Variants in UNC5C observed in about 807,000 individuals in gnomAD.
UNC5C encodes netrin receptor UNC5C.
Under a neutral mutation model 99.8 loss-of-function variants are expected in UNC5C, and 47 were observed. The ratio of observed to expected loss-of-function variants is 0.47; its 90% confidence interval spans 0.37 to 0.60. The LOEUF is 0.60. UNC5C is among the 20% of genes least tolerant of loss of function. The pLI is 0.00. For missense variants in UNC5C, 1,062 were observed against 1,165.9 expected, an observed-to-expected ratio of 0.91 and a Z score of 1.30; for synonymous variants, 487 against 452.2, an observed-to-expected ratio of 1.08 and a Z score of -0.98.
chr4:95,406,299 A>G (rs1315971725), intron 1 of UNC5C, among the ~76,000 whole-genome samples: 1 of 152,154 alleles, frequency 6.6e-6, no homozygotes, highest in Non-Finnish European at 1.5e-5. Flanking sequence ...GCAGTGCTTC[A>G]TCTGCACTAA....
At chr4:95,271,516 A>T (rs1188255130) in intron 4 of UNC5C, among the ~76,000 whole-genome samples, 2 of 152,188 alleles carry the variant, frequency 1.3e-5, no homozygotes, top group Admixed American at 6.5e-5. Flanking sequence ...GGCGTGAGCC[A>T]CCGCGCCCGG....
chr4:95,482,758 G>A (rs867009530), intron 1 of UNC5C, among the ~76,000 whole-genome samples: 2,743 of 113,768 alleles, frequency 0.024, 24 homozygotes, highest in Middle Eastern at 0.041. Flanking sequence ...CTATCGCAAG[G>A]ACAAAAAACC....
intron 5 of UNC5C, among the ~76,000 whole-genome samples, chr4:95,249,960 G>A (rs896478130): frequency 6.6e-6 from 1 of 152,094 alleles, no homozygotes; most frequent in Non-Finnish European, 1.5e-5. Flanking sequence ...AGACTGAGGT[G>A]TTAGGTCCAC....
chr4:95,477,098 G>T (rs1052639222), intron 1 of UNC5C, among the ~76,000 whole-genome samples: 1 of 152,038 alleles, frequency 6.6e-6, no homozygotes, highest in Non-Finnish European at 1.5e-5. Flanking sequence ...AAATAAAAAT[G>T]TCTAAAGATA....
chr4:95,346,510 G>A (rs1343097643), intron 1 of UNC5C, among the ~76,000 whole-genome samples: 2 of 151,916 alleles, frequency 1.3e-5, no homozygotes, highest in Non-Finnish European at 2.9e-5. Context: ...CCCTGATATT[G>A]AACATTGGCA....
chr4:95,303,509 C>G (rs1373518977), intron 2 of UNC5C, among the ~76,000 whole-genome samples: 7 of 152,134 alleles, frequency 4.6e-5, no homozygotes, highest in Admixed American at 1.3e-4. Context: ...AACCCTATCT[C>G]TACTAAAAAT....
intron 2 of UNC5C, among the ~76,000 whole-genome samples, chr4:95,323,283 C>T (rs79384629): frequency 0.038 from 5,776 of 152,210 alleles, 156 homozygotes; most frequent in Non-Finnish European, 0.056. Flanking sequence ...AACACAGACA[C>T]GACCCCGGAT....
At chr4:95,396,915 A>G (rs1374846921) in intron 1 of UNC5C, among the ~76,000 whole-genome samples, 2 of 152,036 alleles carry the variant, frequency 1.3e-5, no homozygotes, top group Non-Finnish European at 1.5e-5. Flanking sequence ...CCAAGTTTAC[A>G]GGTAGGGGAA....
intron 1 of UNC5C, among the ~76,000 whole-genome samples, chr4:95,491,819 G>T (rs746620011): frequency 6.6e-6 from 1 of 151,410 alleles, no homozygotes; most frequent in Non-Finnish European, 1.5e-5. Flanking sequence ...TTACTGATTT[G>T]TTCTATTCTC....
At chr4:95,536,141 G>C (rs1294167647) in intron 1 of UNC5C, among the ~76,000 whole-genome samples, 4 of 149,314 alleles carry the variant, frequency 2.7e-5, no homozygotes, top group Non-Finnish European at 5.9e-5. Context: ...GCAATAGCAC[G>C]ATCTCTGCTT....
At chr4:95,537,756 C>T (rs556818674) in intron 1 of UNC5C, among the ~76,000 whole-genome samples, 3 of 152,210 alleles carry the variant, frequency 2.0e-5, no homozygotes, top group Admixed American at 6.5e-5. Flanking sequence ...ATAGTGATCA[C>T]CTTAAAAATA....
intron 1 of UNC5C, among the ~76,000 whole-genome samples, chr4:95,353,474 C>T (rs1744060596): frequency 6.6e-6 from 1 of 151,728 alleles, no homozygotes; most frequent in Non-Finnish European, 1.5e-5. Flanking sequence ...ACCTCAAGTA[C>T]CTATAACCCA....
rs149576932 is a variant in UNC5C at position 95,442,319 on chromosome 4, T to C, written c.124+106415A>G. On this transcript the variant is annotated intron_variant, in intron 1 of 15. Coordinates refer to ENST00000453304, the MANE Select transcript of UNC5C (RefSeq NM_003728.4). Reference sequence around the variant, plus strand: ...CTGGGCTCAAGTGATCCTCTCACATTAGCCCCCTGTGTAGCTGGGACTACA... The same window carrying C: ...CTGGGCTCAAGTGATCCTCTCACATCAGCCCCCTGTGTAGCTGGGACTACA... Among the ~76,000 whole-genome samples, 20 of 151,376 alleles carry C rather than the reference T, an allele frequency of 1.3e-4. No individual in the cohort carries two copies. In the East Asian group the frequency reaches 3.5e-3, roughly 27 times the overall value.
intron 13 of UNC5C, 123 bp downstream of exon 13, chr4:95,184,924 T>G: frequency 2.6e-6 from 3 of 1,140,928 alleles, no homozygotes; most frequent in Non-Finnish European, 3.5e-6. Flanking sequence ...CCCCAAACTA[T>G]TTTGGAGAAA....
chr4:95,176,677 G>A (rs1736364325), intron 14 of UNC5C, among the ~76,000 whole-genome samples: 1 of 152,250 alleles, frequency 6.6e-6, no homozygotes, highest in Middle Eastern at 3.2e-3. Flanking sequence ...AGTCTGCAGA[G>A]GTTACTGCTG....
intron 12 of UNC5C, among the ~76,000 whole-genome samples, chr4:95,187,885 A>G (rs767824): frequency 0.54 from 81,959 of 151,980 alleles, 26,185 homozygotes; most frequent in Admixed American, 0.73. Flanking sequence ...TGGGACATAA[A>G]CCCTGGGGAA....
intron 1 of UNC5C, among the ~76,000 whole-genome samples, chr4:95,393,569 T>C (rs1041608893): frequency 6.6e-6 from 1 of 152,234 alleles, no homozygotes; most frequent in African/African-American, 2.4e-5. Context: ...CTGAATACCA[T>C]TGACATTTCC....
intron 1 of UNC5C, among the ~76,000 whole-genome samples, chr4:95,356,829 T>A (rs1744221637): frequency 1.3e-5 from 2 of 152,188 alleles, no homozygotes; most frequent in Non-Finnish European, 2.9e-5. Flanking sequence ...CTTGAGGTTA[T>A]AGAGAAGTAA....
chr4:95,303,761 A>G (rs1478139915), intron 2 of UNC5C, among the ~76,000 whole-genome samples: 2 of 152,190 alleles, frequency 1.3e-5, no homozygotes, highest in Non-Finnish European at 2.9e-5. Flanking sequence ...AGAATTAAAT[A>G]TATACATATA....
Sources: allele counts gnomAD v4.1 joint callset (sites outside exome capture counted in the v4.1 genomes callset), GRCh38; gene constraint gnomAD v4.1.1; transcripts MANE v1.5; gene names NCBI Gene and HGNC (gene_info 2026-07-23, HGNC 2026-07-21).